The following DNAH9 variants were observed in gnomAD, a reference collection of about 807,000 sequenced individuals.
DNAH9 encodes DNAH9 variant protein.
A neutral mutation model predicts 471.6 loss-of-function variants in DNAH9; 345 were observed. The observed-to-expected ratio is 0.73, with a 90% confidence interval of 0.67 to 0.80. DNAH9 has a LOEUF of 0.80. Ranked by LOEUF, DNAH9 falls within the 30% of genes least tolerant of loss-of-function variation. The pLI, the probability that DNAH9 is intolerant of heterozygous loss-of-function variation, is 0.00. For synonymous variants in DNAH9, 2,093 were observed against 2,123.6 expected (o/e 0.99, Z 0.40); for missense variants, 5,407 against 5,609.2 (o/e 0.96, Z 1.15).
rs187286825 is a variant in DNAH9 at position 11,666,560 on chromosome 17, A to G, written c.2731+1592A>G. On this transcript the variant is annotated intron_variant, in intron 15 of 68. Transcript: ENST00000262442. ...CTTCGAACGGGTGGGAGCTGAATTT[A>G]TCAGCTGCCTGATCTGAAGCACTAT... is the stretch of plus-strand genomic sequence containing the variant. Among the ~76,000 whole-genome samples the G allele has an allele frequency of 6.2e-4, 95 of 152,314 alleles. 3 individuals are homozygous for G. In the East Asian group the frequency reaches 0.011, roughly 18 times the overall value.
Position 11,839,779 on chromosome 17 carries a change from T to C in DNAH9, c.9507+4881T>C, listed in dbSNP as rs148552505. On this transcript the variant is annotated intron_variant, in intron 49 of 68. Coordinates refer to ENST00000262442, the MANE Select transcript of DNAH9 (RefSeq NM_001372.4). ...TATTTAAGGTATGATGCTTTTGATA[T>C]GCATATACATAGTAAAATGATTGCC... Among the ~76,000 whole-genome samples, 166 of 152,362 alleles carry C rather than the reference T, an allele frequency of 1.1e-3. 1 individual carries two copies. Among genetic ancestry groups the C allele is most frequent in the African/African-American group, 3.8e-3 (160 of 41,586 alleles).
At chr17:11,912,761 C>T (rs1973829951) in intron 61 of DNAH9, among the ~76,000 whole-genome samples, 1 of 152,038 alleles carries the variant, frequency 6.6e-6, no homozygotes, top group South Asian at 2.1e-4. Flanking sequence ...GTATATTGAC[C>T]TGTTGTTTTC....
chr17:11,935,955 A>G (rs1227022391), intron 65 of DNAH9, among the ~76,000 whole-genome samples: 1 of 152,202 alleles, frequency 6.6e-6, no homozygotes, highest in African/African-American at 2.4e-5. Flanking sequence ...TTCCCGGGAA[A>G]ATTGTGCAAC....
chr17:11,692,266 T>C (rs2074347022), intron 20 of DNAH9, among the ~76,000 whole-genome samples: 1 of 152,210 alleles, frequency 6.6e-6, no homozygotes. Context: ...CTGGGACTAA[T>C]ACTAGTATCT....
At chr17:11,605,593 G>A (rs1341859843) in intron 1 of DNAH9, among the ~76,000 whole-genome samples, 1 of 151,956 alleles carries the variant, frequency 6.6e-6, no homozygotes, top group African/African-American at 2.4e-5. Flanking sequence ...CGACCTCCCT[G>A]GGCTCAAGCG....
chr17:11,602,718 G>C (rs1361242014), intron 1 of DNAH9, among the ~76,000 whole-genome samples: 3 of 152,122 alleles, frequency 2.0e-5, no homozygotes, highest in East Asian at 1.9e-4. Context: ...TGGGTTCTCT[G>C]TATCTTTGTC....
At position 11,739,401 on chromosome 17, in the gene DNAH9, A is replaced by G. The variant is rs550522160; in HGVS notation, c.5972+364A>G. Among the ~76,000 whole-genome samples the G allele has an allele frequency of 3.9e-5, 6 of 152,348 alleles. No homozygotes were observed. In the South Asian group the frequency reaches 1.0e-3, roughly 26 times the overall value. On this transcript the variant is annotated intron_variant, in intron 29 of 68. Transcript: ENST00000262442. ...TTTTTTATCAAGTGCATGGTTTACAATGTAATTAACTACTCCCCCATGGTT... is the reference window on the plus strand; with the variant it reads ...TTTTTTATCAAGTGCATGGTTTACAGTGTAATTAACTACTCCCCCATGGTT...
At chr17:11,609,217 G>A (rs1313672796) in intron 2 of DNAH9, among the ~76,000 whole-genome samples, 1 of 152,098 alleles carries the variant, frequency 6.6e-6, no homozygotes, top group Non-Finnish European at 1.5e-5. Context: ...TGCGTGCAAT[G>A]CATTATAAAA....
chr17:11,844,365 C>T (rs1405416345), intron 49 of DNAH9, among the ~76,000 whole-genome samples: 3 of 152,022 alleles, frequency 2.0e-5, no homozygotes, highest in African/African-American at 4.8e-5. Context: ...ATTATTACAA[C>T]GTGAAGAAAG....
chr17:11,659,228 C>T (rs2073709588), intron 14 of DNAH9, among the ~76,000 whole-genome samples: 1 of 152,108 alleles, frequency 6.6e-6, no homozygotes, highest in Admixed American at 6.5e-5. Flanking sequence ...TTTCTACAAA[C>T]GTTTTCATTT....
intron 28 of DNAH9, among the ~76,000 whole-genome samples, chr17:11,729,930 G>T (rs750159574): frequency 1.3e-5 from 2 of 152,210 alleles, no homozygotes; most frequent in Non-Finnish European, 2.9e-5. Flanking sequence ...ATCTCCAGCT[G>T]CCCTGAAAGC....
intron 12 of DNAH9, among the ~76,000 whole-genome samples, chr17:11,649,423 G>A (rs547658315): frequency 1.8e-4 from 27 of 152,034 alleles, no homozygotes; most frequent in African/African-American, 5.1e-4. Context: ...CTTTTGTTGC[G>A]TATAAAATAA....
At chr17:11,727,074 A>AAAAAAAAAC (rs1567753041) in intron 27 of DNAH9, among the ~76,000 whole-genome samples, 3 of 139,946 alleles carry the variant, frequency 2.1e-5, no homozygotes, top group African/African-American at 8.6e-5. Context: ...AAAAAAAAAA[A>AAAAAAAAAC]AAACCCGCTG....
At chr17:11,692,118 GTCT>G (rs1454408296) in intron 20 of DNAH9, among the ~76,000 whole-genome samples, 2 of 152,044 alleles carry the variant, frequency 1.3e-5, no homozygotes, top group Non-Finnish European at 2.9e-5. Flanking sequence ...TTGTTTTTAG[GTCT>G]TCTTGGGCAA....
In DNAH9 at chr17:11,875,230, G is replaced by GA. The variant is rs1479981024; in HGVS notation, c.10478+50dup. The GA allele has an allele frequency of 2.0e-6, 3 of 1,507,566 alleles. No homozygotes were observed. In the Admixed American group the frequency reaches 5.7e-5, roughly 29 times the overall value. The allele number at this position is 1,507,566 out of a possible 1,614,324, so 93.4% of individuals were successfully genotyped here. ...GTTCCCACTTTAGCCATTTGTGCAG[G>GA]AAAATGTATAGATCATGAGCAGATT... On this transcript the variant is annotated intron_variant, in intron 53 of 68. Transcript: ENST00000262442.
chr17:11,957,865 T>C (rs1975734988), intron 67 of DNAH9, among the ~76,000 whole-genome samples: 1 of 152,236 alleles, frequency 6.6e-6, no homozygotes, highest in Admixed American at 6.5e-5. Flanking sequence ...AGGTAAATGG[T>C]ACACAAGATC....
chr17:11,700,326 A>G (rs1333762729), intron 23 of DNAH9, among the ~76,000 whole-genome samples: 2 of 152,092 alleles, frequency 1.3e-5, no homozygotes, highest in Non-Finnish European at 2.9e-5. Flanking sequence ...CTCTCTGCAC[A>G]AATGTGTCTT....
chr17:11,904,911 G>A (rs1973535363), intron 60 of DNAH9, among the ~76,000 whole-genome samples: 1 of 152,170 alleles, frequency 6.6e-6, no homozygotes, highest in South Asian at 2.1e-4. Flanking sequence ...TAAGTGGAGT[G>A]AGATGAAAGA....
chr17:11,775,487 C>A (rs1021116332), intron 38 of DNAH9, among the ~76,000 whole-genome samples: 1 of 151,592 alleles, frequency 6.6e-6, no homozygotes, highest in Non-Finnish European at 1.5e-5. Context: ...TTCAAATAGA[C>A]AGTAACTCCA....
Sources: gnomAD v4.1 joint callset for allele counts (sites outside exome capture counted in the v4.1 genomes callset) on GRCh38, gnomAD v4.1.1 for gene constraint, MANE v1.5 for transcripts, NCBI Gene and HGNC (gene_info 2026-07-23, HGNC 2026-07-21) for gene names.